The following TENM2 variants were observed in gnomAD, a reference collection of about 807,000 sequenced individuals.
TENM2 encodes the protein teneurin-2.
TENM2 carries 52 observed loss-of-function variants against 245.2 expected under a neutral mutation model. The observed-to-expected ratio is 0.21, with a 90% CI of 0.17 to 0.27. The LOEUF is 0.27. TENM2 is among the 10% of genes least tolerant of loss of function. The pLI, the probability that TENM2 is intolerant of heterozygous loss-of-function variation, is 1.00. For missense variants in TENM2, 3,046 were observed against 3,666.8 expected, an observed-to-expected ratio of 0.83 and a Z score of 4.37; for synonymous variants, 1,363 against 1,438.9, an observed-to-expected ratio of 0.95 and a Z score of 1.19.
At chr5:167,831,108 T>C (rs890454003) in intron 2 of TENM2, among the ~76,000 whole-genome samples, 6 of 152,114 alleles carry the variant, frequency 3.9e-5, no homozygotes, top group Non-Finnish European at 2.9e-5. Flanking sequence ...CTTCCTCTTT[T>C]TCTTCTTCTT....
chr5:167,440,085 AT>A (rs1372054977), intron 2 of TENM2, among the ~76,000 whole-genome samples: 1 of 152,146 alleles, frequency 6.6e-6, no homozygotes, highest in Non-Finnish European at 1.5e-5. Flanking sequence ...CAGTAAATAG[AT>A]TTTATTTTTA....
chr5:167,125,625 A>G, the TENM2 span, among the ~76,000 whole-genome samples: 1 of 152,162 alleles, frequency 6.6e-6, no homozygotes, highest in Non-Finnish European at 1.5e-5. Flanking sequence ...TTGCTGATAT[A>G]TATTCTATAC....
chr5:167,889,384 G>C (rs758602803), intron 3 of TENM2, among the ~76,000 whole-genome samples: 3 of 152,152 alleles, frequency 2.0e-5, no homozygotes, highest in Non-Finnish European at 4.4e-5. Context: ...GCAATTGGTG[G>C]CATTCACACT....
chr5:167,676,757 A>G (rs1756358080), intron 2 of TENM2, among the ~76,000 whole-genome samples: 1 of 152,142 alleles, frequency 6.6e-6, no homozygotes, highest in Non-Finnish European at 1.5e-5. Flanking sequence ...TATGTTTTTA[A>G]TAAGCCACTG....
the TENM2 span, among the ~76,000 whole-genome samples, chr5:167,216,635 A>C: frequency 6.6e-6 from 1 of 152,190 alleles, no homozygotes; most frequent in African/African-American, 2.4e-5. Flanking sequence ...ATCATTAAAA[A>C]ATTACTGGGG....
intron 2 of TENM2, among the ~76,000 whole-genome samples, chr5:167,569,928 T>C (rs1774160911): frequency 6.6e-6 from 1 of 152,090 alleles, no homozygotes; most frequent in African/African-American, 2.4e-5. Context: ...TTATGATACA[T>C]CCGAGAGCAC....
At chr5:168,183,472 A>G (rs1378077230) in intron 13 of TENM2, among the ~76,000 whole-genome samples, 1 of 152,162 alleles carries the variant, frequency 6.6e-6, no homozygotes, top group Non-Finnish European at 1.5e-5. Context: ...TCCCAAGGCA[A>G]AACCAATCCT....
intron 2 of TENM2, among the ~76,000 whole-genome samples, chr5:167,870,953 C>T (rs1376634177): frequency 6.6e-6 from 1 of 152,008 alleles, no homozygotes; most frequent in Non-Finnish European, 1.5e-5. Flanking sequence ...GGGAATTGAT[C>T]TGCAACATGC....
At chr5:168,170,188 T>C (rs1758676105) in intron 13 of TENM2, among the ~76,000 whole-genome samples, 1 of 152,196 alleles carries the variant, frequency 6.6e-6, no homozygotes, top group East Asian at 1.9e-4. Context: ...CAGTTTTCTC[T>C]TATGCTACTG....
chr5:167,531,486 T>C (rs1771497299), intron 2 of TENM2, among the ~76,000 whole-genome samples: 1 of 152,080 alleles, frequency 6.6e-6, no homozygotes, highest in South Asian at 2.1e-4. Context: ...CACTTATCTT[T>C]TTTTTTTTGC....
chr5:168,047,394 A>C lies in TENM2; in HGVS notation c.1187-33A>C, dbSNP rs1421842505. On this transcript the variant is annotated intron_variant, in intron 5 of 28. Coordinates refer to ENST00000518659, the Ensembl canonical transcript of TENM2. ...TGACATTTGCATTGCTGAATTATCTATTCATATTTTCATTACTTTGTCTCT... is the reference window on the plus strand; with the variant it reads ...TGACATTTGCATTGCTGAATTATCTCTTCATATTTTCATTACTTTGTCTCT... 2.6e-6 allele frequency: 4 copies of C among 1,551,362 alleles called. No individual in the cohort carries two copies. In the South Asian group the frequency reaches 4.8e-5, roughly 18 times the overall value.
At chr5:167,599,821 T>G (rs1383719957) in intron 2 of TENM2, among the ~76,000 whole-genome samples, 1 of 152,090 alleles carries the variant, frequency 6.6e-6, no homozygotes, top group Non-Finnish European at 1.5e-5. Flanking sequence ...TTGTGGAGTA[T>G]AAAAGCACAG....
At chr5:168,237,115 A>C (rs1305052187) in intron 25 of TENM2, among the ~76,000 whole-genome samples, 1 of 138,084 alleles carries the variant, frequency 7.2e-6, no homozygotes, top group East Asian at 2.3e-4. Flanking sequence ...TCCCGGGTTC[A>C]AGCCATTCTC....
the TENM2 span, among the ~76,000 whole-genome samples, chr5:167,258,001 G>A: frequency 2.0e-5 from 3 of 151,758 alleles, no homozygotes; most frequent in Non-Finnish European, 2.9e-5. Flanking sequence ...TAGTGGGGAC[G>A]GGGGAGGAAA....
chr5:167,031,985 G>A, the TENM2 span, among the ~76,000 whole-genome samples: 1 of 152,040 alleles, frequency 6.6e-6, no homozygotes, highest in African/African-American at 2.4e-5. Context: ...ATCATGTTTT[G>A]CCATAGTTAG....
chr5:168,200,146 C>A lies in TENM2; in HGVS notation c.3430+15C>A. The A allele has an allele frequency of 6.2e-7, 1 of 1,606,698 alleles. No homozygotes were observed. Among genetic ancestry groups the A allele is most frequent in the Non-Finnish European group, 8.5e-7 (1 of 1,175,396 alleles). ...AGATGCTGTTGGTATGTTTTGGTTT[C>A]AACCACTTATTGATCAATGGATTTA... On this transcript the variant is annotated intron_variant, in intron 17 of 28. Coordinates refer to ENST00000518659, the Ensembl canonical transcript of TENM2.
chr5:167,770,076 A>G (rs1004880743), intron 2 of TENM2, among the ~76,000 whole-genome samples: 4 of 152,190 alleles, frequency 2.6e-5, no homozygotes, highest in East Asian at 1.9e-4. Context: ...GACCTAACAC[A>G]TTGCATCAGG....
rs943261130 is a variant in TENM2 at position 167,875,965 on chromosome 5, C to T, written c.503-21C>T. 1.6e-5 allele frequency: 24 copies of T among 1,536,356 alleles called. No individual in the cohort carries two copies. In the East Asian group the frequency reaches 4.7e-4, roughly 30 times the overall value. ...CGTGACACTCATTGCTGACCTTTGA[C>T]CCCTCTGTCCTCTTTCCCAGGTCGT... On this transcript the variant is annotated intron_variant, in intron 2 of 28. Transcript: ENST00000518659.
At chr5:167,925,082 G>A (rs1234075320) in intron 3 of TENM2, among the ~76,000 whole-genome samples, 1 of 152,154 alleles carries the variant, frequency 6.6e-6, no homozygotes, top group Non-Finnish European at 1.5e-5. Context: ...GAATGTTCAT[G>A]GCAGGTTTGC....
Sources: allele counts gnomAD v4.1 joint callset (sites outside exome capture counted in the v4.1 genomes callset), GRCh38; gene constraint gnomAD v4.1.1; transcripts MANE v1.5; gene names NCBI Gene and HGNC (gene_info 2026-07-23, HGNC 2026-07-21).